The following TOP2B variants were observed in gnomAD, a reference collection of about 807,000 sequenced individuals.
TOP2B encodes the protein DNA topoisomerase 2-beta.
TOP2B carries 51 observed loss-of-function variants against 193.5 expected under a neutral mutation model. The observed-to-expected ratio is 0.26, with a 90% CI of 0.21 to 0.33. The LOEUF (loss-of-function observed/expected upper bound fraction) is 0.33, where lower values mean the gene tolerates loss of function less well. TOP2B is among the 10% of genes least tolerant of loss of function. The probability of loss-of-function intolerance (pLI) is 1.00; values close to 1 mark genes in which losing one functional copy is unlikely to be tolerated. For missense variants in TOP2B, 1,378 were observed against 1,909.3 expected, an observed-to-expected ratio of 0.72 and a Z score of 5.19; for synonymous variants, 634 against 635.7, an observed-to-expected ratio of 1.00 and a Z score of 0.04.
chr3:25,624,602 A>G (rs1702746101), intron 19 of TOP2B, 80 bp downstream of exon 19: 1 of 1,567,634 alleles, frequency 6.4e-7, no homozygotes, highest in Non-Finnish European at 8.6e-7. Context: ...AGACTTTACT[A>G]AAGGAAAAAT....
At chr3:25,645,513 G>A in intron 1 of TOP2B, 43 bp from the exon 2 acceptor site, 1 of 1,484,984 alleles carries the variant, frequency 6.7e-7, no homozygotes, top group South Asian at 1.3e-5. Flanking sequence ...CCTACCAAGG[G>A]GTAGACAATG....
chr3:25,662,060 T>C lies in TOP2B; in HGVS notation c.69+2169A>G, dbSNP rs1192487124. Among the ~76,000 whole-genome samples, 5 of 152,242 alleles carry C rather than the reference T, an allele frequency of 3.3e-5. No homozygotes were observed. The East Asian group carries it at 9.6e-4, about 29-fold the overall frequency. On this transcript the variant is annotated intron_variant, in intron 1 of 35. Coordinates refer to ENST00000264331, the MANE Select transcript of TOP2B (RefSeq NM_001330700.2). ...TACCCCAGCTAAAAGATATTTTATG[T>C]AAAAGCAACTGCAATCTATTATTTG...
At chr3:25,608,999 A>G (rs941128990) in intron 30 of TOP2B, among the ~76,000 whole-genome samples, 184 bp downstream of exon 30, 1 of 152,188 alleles carries the variant, frequency 6.6e-6, no homozygotes, top group African/African-American at 2.4e-5. Context: ...AACATGATTC[A>G]CTTTAGAGAA....
intron 1 of TOP2B, among the ~76,000 whole-genome samples, chr3:25,662,078 A>G (rs1703931571): frequency 6.6e-6 from 1 of 152,202 alleles, no homozygotes; most frequent in South Asian, 2.1e-4. Context: ...ACTGCAATCT[A>G]TTATTTGAGT....
intron 30 of TOP2B, 98 bp downstream of exon 30, chr3:25,609,085 T>C (rs1442489651): frequency 9.5e-7 from 1 of 1,050,566 alleles, no homozygotes; most frequent in East Asian, 3.0e-5. Context: ...ACTTCTGAAA[T>C]ACTAATGGCT....
intron 1 of TOP2B, among the ~76,000 whole-genome samples, chr3:25,656,165 T>C (rs1404199326): frequency 1.3e-5 from 2 of 152,172 alleles, no homozygotes; most frequent in African/African-American, 4.8e-5. Context: ...CTAAATATCA[T>C]ATGACAACTA....
chr3:25,618,589 C>A, intron 24 of TOP2B, 65 bp downstream of exon 24: 2 of 1,521,034 alleles, frequency 1.3e-6, no homozygotes, highest in Non-Finnish European at 1.8e-6. Flanking sequence ...ATAAAAATGT[C>A]TTCTATTAAT....
In TOP2B at chr3:25,634,088, G is replaced by T. The variant is rs749727087; in HGVS notation, c.853-74C>A. 866 of 1,116,446 alleles carry T rather than the reference G, an allele frequency of 7.8e-4. 3 individuals carry two copies. Among genetic ancestry groups the T allele is most frequent in the Non-Finnish European group, 1.0e-3 (808 of 792,158 alleles). The allele number at this position is 1,116,446 out of a possible 1,614,324, so 69.2% of individuals were successfully genotyped here. On this transcript the variant is annotated intron_variant, in intron 7 of 35. Coordinates refer to ENST00000264331, the MANE Select transcript of TOP2B (RefSeq NM_001330700.2). ...CAAATAGGTGAATCACCTTCAGTACGTATACTTTCATTTCCTCTCACTTAC... is the reference window on the plus strand; with the variant it reads ...CAAATAGGTGAATCACCTTCAGTACTTATACTTTCATTTCCTCTCACTTAC...
intron 1 of TOP2B, among the ~76,000 whole-genome samples, chr3:25,655,904 T>C (rs1445764921): frequency 2.0e-5 from 3 of 152,180 alleles, no homozygotes; most frequent in African/African-American, 7.2e-5. Flanking sequence ...GTTTAGTAGA[T>C]ATAGTTTCAG....
intron 33 of TOP2B, among the ~76,000 whole-genome samples, chr3:25,601,666 C>G (rs1417521069): frequency 2.0e-5 from 3 of 151,990 alleles, no homozygotes; most frequent in East Asian, 3.9e-4. Flanking sequence ...CTCTGCTTGG[C>G]GGCAATGTAA....
intron 23 of TOP2B, 59 bp from the exon 24 acceptor site, chr3:25,618,908 T>C (rs1702584218): frequency 2.4e-6 from 3 of 1,256,276 alleles, no homozygotes; most frequent in Non-Finnish European, 3.2e-6. Flanking sequence ...TTTTAACTTA[T>C]ATAACATCTA....
intron 30 of TOP2B, 72 bp from the exon 31 acceptor site, chr3:25,607,447 AAAGCATTTG>A: frequency 6.8e-7 from 1 of 1,460,192 alleles, no homozygotes; most frequent in Non-Finnish European, 9.2e-7. Flanking sequence ...TATTACTGAT[AAAGCATTTG>A]AAGTATATTC....
intron 8 of TOP2B, among the ~76,000 whole-genome samples, chr3:25,633,008 T>C (rs556245206): frequency 2.0e-5 from 3 of 152,218 alleles, no homozygotes; most frequent in Admixed American, 2.0e-4. Flanking sequence ...CTCACTTCAA[T>C]TCTAACACCA....
At position 25,664,487 on chromosome 3, in the gene TOP2B, G is replaced by C. The variant is rs1575593020; in HGVS notation, c.-190C>G. 5 of 1,195,364 alleles carry C rather than the reference G, an allele frequency of 4.2e-6. No homozygotes were observed. The highest frequency in any genetic ancestry group is 9.1e-5 in the Admixed American group (2 of 22,046). 74.0% of individuals were successfully genotyped at this position (1,195,364 alleles called of 1,614,324 possible). A position where few individuals can be genotyped will look rare whatever the true frequency, so the allele number is the denominator to read the frequency against. On this transcript the variant is annotated 5_prime_UTR_variant, in exon 1 of 36. Coordinates refer to ENST00000264331, the MANE Select transcript of TOP2B (RefSeq NM_001330700.2). ...AGCCCGCTGAGGAGGCCGCGCCGCCGGCTGCCCTCAAACTCGAGGCGCGGC... is the reference window on the plus strand; with the variant it reads ...AGCCCGCTGAGGAGGCCGCGCCGCCCGCTGCCCTCAAACTCGAGGCGCGGC...
In TOP2B at chr3:25,612,629, C is replaced by T; in HGVS notation, c.3672G>A (p.Lys1224=). 1.2e-6 allele frequency: 2 copies of T among 1,613,694 alleles called. No homozygotes were observed. Among genetic ancestry groups the T allele is most frequent in the Middle Eastern group, 1.7e-4 (1 of 6,056 alleles). The part of the protein sequence containing the change: ...KAIKGKVGKP[K]VKKLQLEETM... ...TCTCTTCCAACTGGAGTTTCTTCAC[C>T]TTAGGTTTGCCAACTTTACCTTTAA... The change falls in exon 28 of 36, where the codon AAG becomes AAA. Residue 1224 remains lysine (K), a synonymous_variant. Transcript: ENST00000264331.
rs56986587 is a variant in TOP2B, at chr3:25,638,314, TAAAAAAAAAAAAAAAAAA to T, written c.396-22_396-5del. The stretch of plus-strand genomic sequence containing the variant: ...AATGCTTATAATGTTAGATTCACTG[TAAAAAAAAAAAAAAAAAA>T]AAAAAAAAAAAAAAAAAAAAGCAGA... On this transcript the variant is annotated splice_region_variant and splice_polypyrimidine_tract_variant and intron_variant, in intron 4 of 35. Transcript: ENST00000264331. 822 of 131,828 alleles carry T rather than the reference TAAAAAAAAAAAAAAAAAA, an allele frequency of 6.2e-3. 11 individuals are homozygous for T. In the Admixed American group the frequency reaches 0.07, roughly 11 times the overall value. The allele number at this position is 131,828 out of a possible 1,614,324, so 8.2% of individuals were successfully genotyped here.
intron 1 of TOP2B, among the ~76,000 whole-genome samples, chr3:25,662,254 G>A (rs1469327657): frequency 6.6e-6 from 1 of 152,186 alleles, no homozygotes; most frequent in Non-Finnish European, 1.5e-5. Context: ...GTGTTGGAGA[G>A]ACAGTATCTG....
rs368588412 is a variant in TOP2B, at chr3:25,620,035, T to C, written c.2890A>G (p.Met964Val). The C allele has an allele frequency of 3.9e-6, 6 of 1,555,460 alleles. No individual in the cohort carries two copies. Among genetic ancestry groups the C allele is most frequent in the South Asian group, 2.3e-5 (2 of 86,368 alleles). ...QVYKEQVLEP[M>V]LNGTDKTPAL... is the part of the protein sequence containing the mutation. ...GGTGTTTTATCTGTTCCATTTAGCATAGGTTCTAAAACCTGTTCTTTATAT... is the reference window on the plus strand; with the variant it reads ...GGTGTTTTATCTGTTCCATTTAGCACAGGTTCTAAAACCTGTTCTTTATAT... The change falls in exon 23 of 36, where the codon ATG (methionine) becomes GTG (valine). Residue 964 changes from methionine to valine, a missense_variant. Around this residue, in one of 9 missense-constraint regions of TOP2B, gnomAD observed 379 missense variants for 615.1 expected, o/e 0.62. Transcript: ENST00000264331.
Position 25,633,826 on chromosome 3 carries a change from A to G in TOP2B, c.1026+15T>C. 1 of 1,596,712 alleles carries G rather than the reference A, an allele frequency of 6.3e-7. No individual in the cohort carries two copies. Among genetic ancestry groups the G allele is most frequent in the Non-Finnish European group, 8.5e-7 (1 of 1,171,552 alleles). ...TTCTACCACTGACTTGGAAACAAAT[A>G]ATTTGCTTACTTACTTTTGTAGTTG... On this transcript the variant is annotated intron_variant, in intron 8 of 35. Transcript: ENST00000264331.
Sources: gnomAD v4.1 joint callset for allele counts (sites outside exome capture counted in the v4.1 genomes callset) on GRCh38, gnomAD v4.1.1 for gene constraint, gnomAD v4.1.1 regional missense constraint, MANE v1.5 for transcripts, NCBI Gene and HGNC (gene_info 2026-07-23, HGNC 2026-07-21) for gene names.